CHAF1A: variants seen among roughly 807,000 people sequenced by gnomAD.
The protein encoded by CHAF1A is CAF-1 subunit A.
CHAF1A carries 5 observed loss-of-function variants against 93.2 expected under a neutral mutation model. That is an observed-to-expected ratio of 0.05 (90% CI 0.03 to 0.11). The LOEUF is 0.11. Among genes scored for constraint, CHAF1A ranks in the 10% least tolerant of loss-of-function variants. The pLI, the probability that CHAF1A is intolerant of heterozygous loss-of-function variation, is 1.00. For missense variants in CHAF1A, 1,102 were observed against 1,259.9 expected, an observed-to-expected ratio of 0.87 and a Z score of 1.90; for synonymous variants, 504 against 510.3, an observed-to-expected ratio of 0.99 and a Z score of 0.17.
chr19:4,442,252 C>T lies in CHAF1A; in HGVS notation c.2681C>T (p.Ala894Val), dbSNP rs763850993. 2.5e-5 allele frequency: 40 copies of T among 1,613,924 alleles called. No individual in the cohort carries two copies. Among genetic ancestry groups the T allele is most frequent in the Non-Finnish European group, 3.1e-5 (37 of 1,179,896 alleles). Residue 894 changes from alanine to valine, a missense_variant, in exon 14 of 15, where the codon GCT becomes GTT. Coordinates refer to ENST00000301280, the MANE Select transcript of CHAF1A (RefSeq NM_005483.3). ...KKRRHDGQIG[A>V]EDMDGFQADT... ...TGTACCCTGTCTGTCCAGATTGGTGCTGAAGACATGGACGGCTTCCAGGCA... is the reference window on the plus strand; with the variant it reads ...TGTACCCTGTCTGTCCAGATTGGTGTTGAAGACATGGACGGCTTCCAGGCA...
chr19:4,435,825 C>T (rs951467724), intron 13 of CHAF1A, among the ~76,000 whole-genome samples: 8 of 152,226 alleles, frequency 5.3e-5, no homozygotes, highest in Non-Finnish European at 8.8e-5. Flanking sequence ...CCCCAGCTTG[C>T]ATCCTCTTCT....
At chr19:4,414,819 C>T (rs1397392729) in intron 3 of CHAF1A, among the ~76,000 whole-genome samples, 2 of 152,126 alleles carry the variant, frequency 1.3e-5, no homozygotes, top group African/African-American at 4.8e-5. Context: ...CAAGGCAATG[C>T]GTGCGTTCTT....
chr19:4,434,194 T>G (rs1974240886), intron 13 of CHAF1A, among the ~76,000 whole-genome samples: 1 of 151,690 alleles, frequency 6.6e-6, no homozygotes, highest in African/African-American at 2.4e-5. Context: ...GAAAAAATTT[T>G]TAGATTAGCC....
chr19:4,447,483 A>C, downstream of CHAF1A: 1 of 1,575,062 alleles, frequency 6.3e-7, no homozygotes, highest in South Asian at 1.1e-5. Context: ...GTGGGCCACC[A>C]CCGGCTCCTG....
At chr19:4,418,118 T>C (rs1375189459) in intron 4 of CHAF1A, 42 bp downstream of exon 4, 1 of 1,392,572 alleles carries the variant, frequency 7.2e-7, no homozygotes, top group Admixed American at 1.9e-5. Flanking sequence ...CCTGCTGTGC[T>C]TTTTGCATTA....
the CHAF1A span, chr19:4,450,727 C>T: frequency 3.1e-5 from 4 of 130,600 alleles, no homozygotes; most frequent in Non-Finnish European, 6.2e-5. Context: ...CCACTGCACT[C>T]CAGCCTGGGC....
chr19:4,406,519 C>T (rs1973683980), intron 2 of CHAF1A, among the ~76,000 whole-genome samples: 1 of 150,902 alleles, frequency 6.6e-6, no homozygotes, highest in Admixed American at 6.6e-5. Flanking sequence ...ACTGCAACCT[C>T]CGCCTCCTGG....
At chr19:4,444,251 A>C (rs1974454209), downstream of CHAF1A, among the ~76,000 whole-genome samples, 1 of 152,170 alleles carries the variant, frequency 6.6e-6, no homozygotes, top group African/African-American at 2.4e-5. Flanking sequence ...GCACGAGCAT[A>C]GGCCCCGGGC....
downstream of CHAF1A, chr19:4,445,629 G>GT: frequency 6.2e-7 from 1 of 1,612,202 alleles, no homozygotes; most frequent in Non-Finnish European, 8.5e-7. Flanking sequence ...GGCACCTGCG[G>GT]TAGGGGTAGG....
In CHAF1A at chr19:4,423,346, A is replaced by G. The variant is rs751677092; in HGVS notation, c.1259A>G (p.Glu420Gly). The G allele has an allele frequency of 6.2e-7, 1 of 1,614,148 alleles. No homozygotes were observed. Among genetic ancestry groups the G allele is most frequent in the South Asian group, 1.1e-5 (1 of 91,082 alleles). Residue 420 changes from glutamate to glycine, a missense_variant, in exon 6 of 15, where the codon GAG (glutamate) becomes GGG (glycine). Transcript: ENST00000301280. ...ERQEALEAKL[E>G]EKRKKEEEKR... ...TTGCTGTCTCACAGGGCTAAACTTG[A>G]GGAAAAAAGGAAAAAGGAAGAAGAG...
Position 4,418,059 on chromosome 19 carries a change from A to G in CHAF1A, c.1000A>G (p.Lys334Glu). 1 of 1,605,610 alleles carries G rather than the reference A, an allele frequency of 6.2e-7. No homozygotes were observed. The highest frequency in any genetic ancestry group is 8.5e-7 in the Non-Finnish European group (1 of 1,176,118). Residue 334 changes from lysine to glutamate, a missense_variant, in exon 4 of 15, where the codon AAG becomes GAG. Coordinates refer to ENST00000301280, the MANE Select transcript of CHAF1A (RefSeq NM_005483.3). ...CGTCAAAGGCTCTACAGAGAAGAAC[A>G]AGCTCAGACTGCAAAGAGTAAGACA... Reference protein sequence around the residue: ...KFVKGSTEKNKLRLQRDQERL... With the variant: ...KFVKGSTEKNELRLQRDQERL...
intron 13 of CHAF1A, among the ~76,000 whole-genome samples, chr19:4,436,272 C>T (rs1457101391): frequency 3.3e-5 from 5 of 152,224 alleles, no homozygotes; most frequent in African/African-American, 7.2e-5. Flanking sequence ...GAATCTCCCT[C>T]AGCTGTCACA....
In CHAF1A at chr19:4,442,975, G is replaced by A. The variant is rs1802759; in HGVS notation, c.2821G>A (p.Val941Met). The change falls in exon 15 of 15, where the codon GTG becomes ATG. Residue 941 changes from valine (V) to methionine (M), a missense_variant. Coordinates refer to ENST00000301280, the MANE Select transcript of CHAF1A (RefSeq NM_005483.3). Reference sequence around the variant, plus strand: ...TTCCGGAGCTGGGGGTGGTGTGGGGGTGGACACCGGCAAGGCCACCCTGAC... The same window carrying A: ...TTCCGGAGCTGGGGGTGGTGTGGGGATGGACACCGGCAAGGCCACCCTGAC... ...AASGAGGGVG[V>M]DTGKATLTAS... is the part of the protein sequence containing the mutation. The A allele has an allele frequency of 6.2e-7, 1 of 1,604,866 alleles. No individual in the cohort carries two copies. The highest frequency in any genetic ancestry group is 2.2e-5 in the East Asian group (1 of 44,612).
Position 4,442,435 on chromosome 19 carries a change from C to T in CHAF1A, c.2770+94C>T. ...GGGATGGGGCTGCCTAAGACTAGCTCCACTGTGAGCAGCCAGGAGGGCTTG... is the reference window on the plus strand; with the variant it reads ...GGGATGGGGCTGCCTAAGACTAGCTTCACTGTGAGCAGCCAGGAGGGCTTG... On this transcript the variant is annotated intron_variant, in intron 14 of 14. Coordinates refer to ENST00000301280, the MANE Select transcript of CHAF1A (RefSeq NM_005483.3). 5 of 1,037,206 alleles carry T rather than the reference C, an allele frequency of 4.8e-6. No individual in the cohort carries two copies. In the South Asian group the frequency reaches 7.2e-5, roughly 15 times the overall value. The allele number at this position is 1,037,206 out of a possible 1,614,324, so 64.3% of individuals were successfully genotyped here.
chr19:4,425,883 T>C (rs534258331), intron 7 of CHAF1A, among the ~76,000 whole-genome samples: 15 of 152,350 alleles, frequency 9.8e-5, no homozygotes, highest in African/African-American at 3.6e-4. Flanking sequence ...ACTGCAATTT[T>C]TATGGGATTA....
intron 1 of CHAF1A, among the ~76,000 whole-genome samples, chr19:4,403,362 C>G (rs1006806261): frequency 1.3e-5 from 2 of 152,190 alleles, no homozygotes; most frequent in Non-Finnish European, 2.9e-5. Context: ...CTCCGTGTGC[C>G]TTGGAATGGG....
At chr19:4,446,336 T>C, downstream of CHAF1A, 1 of 1,572,104 alleles carries the variant, frequency 6.4e-7, no homozygotes, top group Non-Finnish European at 8.6e-7. Flanking sequence ...GTAGTTGTAC[T>C]TGCGCAGCCC....
chr19:4,431,560 C>T (rs1040869112), intron 11 of CHAF1A, among the ~76,000 whole-genome samples: 1 of 152,122 alleles, frequency 6.6e-6, no homozygotes, highest in African/African-American at 2.4e-5. Flanking sequence ...CATATCTGAC[C>T]ACCGAGGCCT....
At chr19:4,448,363 T>C (rs1369223076), downstream of CHAF1A, 2 of 1,610,892 alleles carry the variant, frequency 1.2e-6, no homozygotes, top group Admixed American at 1.7e-5. Context: ...CTGGTCTTTG[T>C]TGAACGTGTA....
Sources: gnomAD v4.1 joint callset for allele counts (sites outside exome capture counted in the v4.1 genomes callset) on GRCh38, gnomAD v4.1.1 for gene constraint, MANE v1.5 for transcripts, NCBI Gene and HGNC (gene_info 2026-07-23, HGNC 2026-07-21) for gene names.